Variants in L3MBTL4 observed in about 807,000 individuals in gnomAD.
The protein encoded by L3MBTL4 is L3MBTL histone methyl-lysine binding protein 4, also known as lethal(3)malignant brain tumor-like protein 4.
A neutral mutation model predicts 84.5 loss-of-function variants in L3MBTL4; 70 were observed. That is an observed-to-expected ratio of 0.83 (90% CI 0.68 to 1.01). The LOEUF is 1.01. Among genes scored for constraint, L3MBTL4 ranks in the 50% least tolerant of loss-of-function variants. The pLI, the probability that L3MBTL4 is intolerant of heterozygous loss-of-function variation, is 0.00. For synonymous variants in L3MBTL4, 274 were observed against 259.8 expected, an observed-to-expected ratio of 1.05 and a Z score of -0.52; for missense variants, 715 against 754.8, an observed-to-expected ratio of 0.95 and a Z score of 0.62.
intron 10 of L3MBTL4, among the ~76,000 whole-genome samples, chr18:6,219,376 C>T (rs1472983222): frequency 6.6e-6 from 1 of 151,556 alleles, no homozygotes; most frequent in Non-Finnish European, 1.5e-5. Flanking sequence ...GGACTGGAGA[C>T]TGGGCTATAT....
intron 13 of L3MBTL4, among the ~76,000 whole-genome samples, chr18:6,149,281 G>A (rs891461156): frequency 1.4e-5 from 2 of 146,118 alleles, no homozygotes; most frequent in Non-Finnish European, 3.0e-5. Context: ...TCCCACCTAT[G>A]AGTGAGAACA....
At chr18:6,133,273 G>A (rs574566998) in intron 14 of L3MBTL4, among the ~76,000 whole-genome samples, 1 of 152,138 alleles carries the variant, frequency 6.6e-6, no homozygotes, top group South Asian at 2.1e-4. Flanking sequence ...GGCCAAGCGT[G>A]TGTGAGGAAC....
At chr18:6,156,993 G>C (rs1167010235) in intron 13 of L3MBTL4, among the ~76,000 whole-genome samples, 10 of 152,162 alleles carry the variant, frequency 6.6e-5, no homozygotes, top group Admixed American at 4.6e-4. Context: ...ACCTCCAGAA[G>C]GTAGAGACGC....
chr18:6,282,686 G>A (rs2049375165), intron 4 of L3MBTL4, among the ~76,000 whole-genome samples: 1 of 152,120 alleles, frequency 6.6e-6, no homozygotes, highest in African/African-American at 2.4e-5. Flanking sequence ...TTAAGCAAAG[G>A]AAAGGTAGGC....
At chr18:6,383,292 C>T (rs965700063) in intron 1 of L3MBTL4, among the ~76,000 whole-genome samples, 2 of 152,036 alleles carry the variant, frequency 1.3e-5, no homozygotes, top group African/African-American at 2.4e-5. Flanking sequence ...GGCTCCCTGG[C>T]TTCACTCCCC....
At chr18:6,278,387 T>C (rs891612353) in intron 4 of L3MBTL4, among the ~76,000 whole-genome samples, 96 of 152,332 alleles carry the variant, frequency 6.3e-4, no homozygotes, top group African/African-American at 2.3e-3. Flanking sequence ...TGGCAGATTT[T>C]ATAAAATTGA....
At chr18:5,972,887 C>CAGAAG (rs1181547438) in intron 16 of L3MBTL4, among the ~76,000 whole-genome samples, 11 of 26,666 alleles carry the variant, frequency 4.1e-4, no homozygotes, top group Non-Finnish European at 6.6e-4. Context: ...TAGAATAGAA[C>CAGAAG]AGAAGAGAAT....
At chr18:6,226,209 C>A (rs541208175) in intron 10 of L3MBTL4, among the ~76,000 whole-genome samples, 1 of 152,200 alleles carries the variant, frequency 6.6e-6, no homozygotes, top group African/African-American at 2.4e-5. Flanking sequence ...GAGTTTGAGA[C>A]CAGCCTGGCC....
intron 1 of L3MBTL4, among the ~76,000 whole-genome samples, chr18:6,352,669 T>C (rs1231122889): frequency 6.6e-6 from 1 of 152,236 alleles, no homozygotes; most frequent in Non-Finnish European, 1.5e-5. Context: ...GAAGGTAGGA[T>C]ACAGACAGTG....
chr18:6,130,366 T>C (rs1369061882), intron 14 of L3MBTL4, among the ~76,000 whole-genome samples: 1 of 151,930 alleles, frequency 6.6e-6, no homozygotes, highest in East Asian at 1.9e-4. Context: ...TCCAGGTAAA[T>C]CCTGAATAGA....
At chr18:6,195,041 C>T (rs899589062) in intron 12 of L3MBTL4, among the ~76,000 whole-genome samples, 4 of 152,126 alleles carry the variant, frequency 2.6e-5, no homozygotes, top group South Asian at 2.1e-4. Context: ...GGGAATGATA[C>T]CAAATTTGCC....
chr18:6,273,593 G>A (rs1042118215), intron 4 of L3MBTL4, among the ~76,000 whole-genome samples: 3 of 152,204 alleles, frequency 2.0e-5, no homozygotes, highest in Non-Finnish European at 4.4e-5. Flanking sequence ...ACAGTCGGAA[G>A]TGGGAGCAGG....
intron 14 of L3MBTL4, among the ~76,000 whole-genome samples, chr18:6,098,296 C>T (rs1399986013): frequency 6.6e-6 from 1 of 152,210 alleles, no homozygotes; most frequent in Non-Finnish European, 1.5e-5. Flanking sequence ...TGTGCGGCTA[C>T]ACCCTCAGGT....
chr18:6,027,227 TCC>T (rs2055550501), intron 16 of L3MBTL4, among the ~76,000 whole-genome samples: 1 of 152,130 alleles, frequency 6.6e-6, no homozygotes, highest in African/African-American at 2.4e-5. Context: ...GATGTTCCCC[TCC>T]CTGTGTCCAT....
At chr18:6,355,679 A>T (rs2053409746) in intron 1 of L3MBTL4, among the ~76,000 whole-genome samples, 1 of 152,170 alleles carries the variant, frequency 6.6e-6, no homozygotes, top group Non-Finnish European at 1.5e-5. Flanking sequence ...CAATAAGTTC[A>T]TCTCAATGAC....
At chr18:6,319,557 T>C (rs897150042) in intron 1 of L3MBTL4, among the ~76,000 whole-genome samples, 12 of 152,052 alleles carry the variant, frequency 7.9e-5, no homozygotes, top group African/African-American at 2.9e-4. Flanking sequence ...CCTAGAAACA[T>C]ACACCCCTCC....
intron 4 of L3MBTL4, among the ~76,000 whole-genome samples, chr18:6,287,584 G>A (rs2049653823): frequency 6.6e-6 from 1 of 152,104 alleles, no homozygotes; most frequent in African/African-American, 2.4e-5. Flanking sequence ...AGCAAAACGT[G>A]AAACTCCCAT....
chr18:6,294,379 G>A (rs2049998948), intron 4 of L3MBTL4, among the ~76,000 whole-genome samples: 2 of 152,130 alleles, frequency 1.3e-5, no homozygotes, highest in African/African-American at 2.4e-5. Flanking sequence ...TTAGGTCTGA[G>A]CGAGCATTAA....
At chr18:6,385,591 G>A (rs762166528) in intron 1 of L3MBTL4, among the ~76,000 whole-genome samples, 2 of 152,154 alleles carry the variant, frequency 1.3e-5, no homozygotes, top group South Asian at 4.2e-4. Context: ...GCAACACTTG[G>A]TTAACCACTC....
Sources: gnomAD v4.1 joint callset for allele counts (sites outside exome capture counted in the v4.1 genomes callset) on GRCh38, gnomAD v4.1.1 for gene constraint, MANE v1.5 for transcripts, NCBI Gene and HGNC (gene_info 2026-07-23, HGNC 2026-07-21) for gene names.